The following COL5A1 variants were observed in gnomAD, a reference collection of about 807,000 sequenced individuals.
COL5A1 encodes collagen type V alpha 1 chain, also known as collagen alpha-1(V) chain.
A neutral mutation model predicts 263.7 loss-of-function variants in COL5A1; 16 were observed. The ratio of observed to expected loss-of-function variants is 0.06; its 90% CI spans 0.04 to 0.09. The LOEUF (loss-of-function observed/expected upper bound fraction) is 0.09, where lower values mean the gene tolerates loss of function less well. Ranked by LOEUF, COL5A1 falls within the 10% of genes least tolerant of loss-of-function variation. The pLI is 1.00. For missense variants in COL5A1, 2,036 were observed against 2,540.5 expected, an observed-to-expected ratio of 0.80 and a Z score of 4.27; for synonymous variants, 1,012 against 1,004.5, an observed-to-expected ratio of 1.01 and a Z score of -0.14.
intron 1 of COL5A1, among the ~76,000 whole-genome samples, chr9:134,663,863 G>A (rs987937088): frequency 6.6e-6 from 1 of 152,184 alleles, no homozygotes; most frequent in African/African-American, 2.4e-5. Context: ...CCCCCTTTTT[G>A]ATACTGCAAG....
chr9:134,765,210 G>T lies in COL5A1; in HGVS notation c.2035-471G>T, dbSNP rs1008172666. On this transcript the variant is annotated intron_variant, in intron 20 of 65. Coordinates refer to ENST00000371817, the MANE Select transcript of COL5A1 (RefSeq NM_000093.5). The surrounding 1 kb of genome is among the most constrained non-coding windows in gnomAD (Gnocchi z 5.1). ...CCACCAGGGACTAGTTTCACCTGGT[G>T]CTCTCCTGCCCGCACCCTCTGACCC... Among the ~76,000 whole-genome samples the T allele has an allele frequency of 6.6e-6, 1 of 152,156 alleles. No individual in the cohort carries two copies. Among genetic ancestry groups the T allele is most frequent in the Non-Finnish European group, 1.5e-5 (1 of 68,026 alleles).
intron 1 of COL5A1, among the ~76,000 whole-genome samples, chr9:134,654,814 G>A (rs1346199973): frequency 1.5e-5 from 2 of 132,858 alleles, no homozygotes; most frequent in South Asian, 2.6e-4. Flanking sequence ...TGTTTAGGGC[G>A]GGGTTTGTAG....
chr9:134,819,285 G>C (rs1156500024), intron 57 of COL5A1, among the ~76,000 whole-genome samples: 1 of 152,228 alleles, frequency 6.6e-6, no homozygotes, highest in African/African-American at 2.4e-5. Flanking sequence ...GGAGGCCCCT[G>C]CGGTATTGAC....
chr9:134,824,635 C>A lies in COL5A1; in HGVS notation c.4734C>A (p.Ile1578=). 1 of 1,614,184 alleles carries A rather than the reference C, an allele frequency of 6.2e-7. No individual in the cohort carries two copies. Among genetic ancestry groups the A allele is most frequent in the Non-Finnish European group, 8.5e-7 (1 of 1,180,044 alleles). ...PPGEVIQPLP[I]QASRTRRNID... is the part of the protein sequence containing the mutation. ...GAGAGGTCATCCAGCCCCTGCCAAT[C>A]CAGGCATCCAGGACGCGGCGGAACA... Residue 1578 remains isoleucine (I), a synonymous_variant, in exon 62 of 66, where the codon ATC becomes ATA. Transcript: ENST00000371817.
At chr9:134,724,026 G>A (rs1202840860) in intron 4 of COL5A1, among the ~76,000 whole-genome samples, 1 of 151,912 alleles carries the variant, frequency 6.6e-6, no homozygotes, top group African/African-American at 2.4e-5. Flanking sequence ...CCTCCCCTCG[G>A]CCCCTGCCTC....
chr9:134,683,338 G>C (rs1014129686), intron 1 of COL5A1, among the ~76,000 whole-genome samples: 1 of 152,136 alleles, frequency 6.6e-6, no homozygotes, highest in Non-Finnish European at 1.5e-5. Context: ...TGAGCCCGTC[G>C]CGGGCTGATC....
intron 38 of COL5A1, among the ~76,000 whole-genome samples, chr9:134,802,654 G>C (rs1418806409): frequency 6.6e-6 from 1 of 152,220 alleles, no homozygotes; most frequent in South Asian, 2.1e-4. Context: ...GGCGCCAGGT[G>C]GGGGAAGAGG....
chr9:134,754,401 A>G lies in COL5A1; in HGVS notation c.1827+75A>G. 6.5e-7 allele frequency: 1 copy of G among 1,549,688 alleles called. No homozygotes were observed. The highest frequency in any genetic ancestry group is 8.9e-7 in the Non-Finnish European group (1 of 1,123,156). On this transcript the variant is annotated intron_variant, in intron 16 of 65. Coordinates refer to ENST00000371817, the MANE Select transcript of COL5A1 (RefSeq NM_000093.5). This position sits in a 1 kb window ranked among gnomAD's most constrained non-coding sequence, Gnocchi z 4.3. Reference sequence around the variant, plus strand: ...AGGAGCCCAAATCTGGGGTGCGGGCACCCCCAACAGCCAGCTGGGCCACAT... The same window carrying G: ...AGGAGCCCAAATCTGGGGTGCGGGCGCCCCCAACAGCCAGCTGGGCCACAT...
chr9:134,796,467 C>G (rs774914971), intron 35 of COL5A1, 49 bp downstream of exon 35: 1 of 1,580,982 alleles, frequency 6.3e-7, no homozygotes, highest in South Asian at 1.1e-5. Flanking sequence ...GAGCCTGCCT[C>G]GAATGCCCCC....
chr9:134,810,732 T>C (rs1331707533), intron 44 of COL5A1, among the ~76,000 whole-genome samples: 1 of 152,228 alleles, frequency 6.6e-6, no homozygotes, highest in Non-Finnish European at 1.5e-5. Context: ...AAAAACCCCA[T>C]GACTCTGCTA....
intron 51 of COL5A1, 30 bp downstream of exon 51, chr9:134,815,659 A>C (rs769438436): frequency 1.2e-6 from 2 of 1,610,756 alleles, no homozygotes; most frequent in Non-Finnish European, 1.7e-6. Context: ...AAGCCACCGG[A>C]TCCCCCACAG....
At chr9:134,760,390 C>A (rs111207700) in intron 18 of COL5A1, among the ~76,000 whole-genome samples, 1 of 88,314 alleles carries the variant, frequency 1.1e-5, no homozygotes, top group Non-Finnish European at 1.9e-5. Context: ...GCATACACAC[C>A]CCCACACCCC....
Position 134,738,479 on chromosome 9 carries a change from G to A in COL5A1, c.1395G>A (p.Met465Ile). The A allele has an allele frequency of 2.5e-6, 4 of 1,614,034 alleles. No individual in the cohort carries two copies. Among genetic ancestry groups the A allele is most frequent in the Non-Finnish European group, 3.4e-6 (4 of 1,180,030 alleles). Residue 465 changes from methionine to isoleucine, a missense_variant, in exon 10 of 66, where the codon ATG (methionine) becomes ATA (isoleucine). This residue lies in a region of COL5A1 where 600 missense variants were observed against 634.5 expected (regional missense o/e 0.95). Coordinates refer to ENST00000371817, the MANE Select transcript of COL5A1 (RefSeq NM_000093.5). ...KGEPAIIEPG[M>I]LIEGPPGPEG... ...CCCTCTCTCTGTCTCCCCAGGGCAT[G>A]CTCATCGAGGGCCCGCCTGGCCCAG... is the stretch of plus-strand genomic sequence containing the variant.
chr9:134,691,501 G>A (rs966353320), intron 2 of COL5A1: 6 of 215,288 alleles, frequency 2.8e-5, no homozygotes, highest in African/African-American at 4.6e-5. Context: ...ATTAAGAGAC[G>A]ATGAATCAAA....
In COL5A1 at chr9:134,730,394, G is replaced by A. The variant is rs1834836953; in HGVS notation, c.1083G>A (p.Glu361=). 4 of 1,614,212 alleles carry A rather than the reference G, an allele frequency of 2.5e-6. No homozygotes were observed. Among genetic ancestry groups the A allele is most frequent in the Non-Finnish European group, 3.4e-6 (4 of 1,180,040 alleles). The change falls in exon 7 of 66, where the codon GAG becomes GAA. Residue 361 remains glutamate (E), a synonymous_variant. Coordinates refer to ENST00000371817, the MANE Select transcript of COL5A1 (RefSeq NM_000093.5). ...ATGACCTCACCTATGGCGAGGGGGAGGAGAACCCCGACCAGCCCACAGACC... is the reference window on the plus strand; with the variant it reads ...ATGACCTCACCTATGGCGAGGGGGAAGAGAACCCCGACCAGCCCACAGACC... The part of the protein sequence containing the change: ...PYDDLTYGEG[E]ENPDQPTDPG...
At position 134,794,741 on chromosome 9, in the gene COL5A1, TGAG is replaced by T. The variant is rs1187097215; in HGVS notation, c.2701-333_2701-331del. ...CTGAGGACAGAGAGAGAAAGAGAGATGAGGAGGAGGGGAAGGAGGGAGGAAGGA... is the reference window on the plus strand; with the variant it reads ...CTGAGGACAGAGAGAGAAAGAGAGATGAGGAGGGGAAGGAGGGAGGAAGGA... On this transcript the variant is annotated intron_variant, in intron 32 of 65. Transcript: ENST00000371817. This position sits in a 1 kb window ranked among gnomAD's most constrained non-coding sequence, Gnocchi z 4.3. 1.3e-5 allele frequency among the ~76,000 whole-genome samples: 2 copies of T among 151,762 alleles called. No homozygotes were observed. The highest frequency in any genetic ancestry group is 1.9e-4 in the East Asian group (1 of 5,168).
Position 134,696,851 on chromosome 9 carries a change from A to G in COL5A1, c.278-3058A>G, listed in dbSNP as rs200977578. ...TTTGGGAGGCCAAGGCAGGCGGATC[A>G]CGAGGTCAGGAGATCGAGACCATCC... On this transcript the variant is annotated intron_variant, in intron 2 of 65. Transcript: ENST00000371817. The surrounding 1 kb of genome is among the most constrained non-coding windows in gnomAD (Gnocchi z 4.3). Among the ~76,000 whole-genome samples the G allele has an allele frequency of 1.1e-4, 17 of 152,268 alleles. No individual in the cohort carries two copies. The East Asian group carries it at 3.1e-3, about 28-fold the overall frequency.
In COL5A1 at chr9:134,754,249, C is replaced by T; in HGVS notation, c.1774-24C>T. On this transcript the variant is annotated intron_variant, in intron 15 of 65. Coordinates refer to ENST00000371817, the MANE Select transcript of COL5A1 (RefSeq NM_000093.5). This position sits in a 1 kb window ranked among gnomAD's most constrained non-coding sequence, Gnocchi z 4.3. ...CTGAGAAAGGCGGACTCGCCACTGA[C>T]CCTTTGTCTCTTACCCCTGGCAGGG... 1 of 1,613,074 alleles carries T rather than the reference C, an allele frequency of 6.2e-7. No individual in the cohort carries two copies. The highest frequency in any genetic ancestry group is 8.5e-7 in the Non-Finnish European group (1 of 1,179,810).
chr9:134,752,753 C>T lies in COL5A1; in HGVS notation c.1719+108C>T, dbSNP rs970751112. 1.9e-5 allele frequency: 17 copies of T among 874,296 alleles called. No homozygotes were observed. The Admixed American group carries it at 2.2e-4, about 11-fold the overall frequency. 54.2% of individuals were successfully genotyped at this position (874,296 alleles called of 1,614,324 possible). On this transcript the variant is annotated intron_variant, in intron 14 of 65. Coordinates refer to ENST00000371817, the MANE Select transcript of COL5A1 (RefSeq NM_000093.5). ...GCCCTGGGGTCCTGTGGACACAGAG[C>T]GGCCCTTGGTCCAGTGCCTGTTCCC...
Sources: gnomAD v4.1 joint callset for allele counts (sites outside exome capture counted in the v4.1 genomes callset) on GRCh38, gnomAD v4.1.1 for gene constraint, gnomAD v4.1.1 regional missense constraint, Gnocchi (gnomAD v3.1) non-coding constraint, MANE v1.5 for transcripts, NCBI Gene and HGNC (gene_info 2026-07-23, HGNC 2026-07-21) for gene names.